The following GATA5 variants were observed in gnomAD, a reference collection of about 807,000 sequenced individuals.
GATA5 encodes the protein transcription factor GATA-5.
In GATA5, 27 loss-of-function variants were observed where a neutral mutation model predicts 35.0. The ratio of observed to expected loss-of-function variants is 0.77; its 90% CI spans 0.57 to 1.06. The LOEUF (loss-of-function observed/expected upper bound fraction) is 1.06, where lower values mean the gene tolerates loss of function less well. Ranked by LOEUF, GATA5 falls within the 50% of genes least tolerant of loss-of-function variation. The pLI is 0.00. For synonymous variants in GATA5, 306 were observed against 267.8 expected (o/e 1.14, Z -1.39); for missense variants, 612 against 580.0 (o/e 1.06, Z -0.57).
chr20:62,467,977 CA>C (rs1989632978), intron 3 of GATA5, among the ~76,000 whole-genome samples: 1 of 149,410 alleles, frequency 6.7e-6, no homozygotes, highest in African/African-American at 2.6e-5. Context: ...TATGAACAGA[CA>C]CAGCCAGCCT....
At chr20:62,473,202 G>A (rs533254202) in intron 3 of GATA5, among the ~76,000 whole-genome samples, 2 of 152,350 alleles carry the variant, frequency 1.3e-5, no homozygotes, top group African/African-American at 4.8e-5. Context: ...CATCCCCACT[G>A]GGATCCCCTG....
At chr20:62,467,276 T>C (rs1172413229) in intron 3 of GATA5, among the ~76,000 whole-genome samples, 1 of 152,188 alleles carries the variant, frequency 6.6e-6, no homozygotes, top group African/African-American at 2.4e-5. Context: ...TGGGAGGCTC[T>C]GAGCTGGCTG....
At chr20:62,474,011 C>G (rs1167483526) in intron 2 of GATA5, among the ~76,000 whole-genome samples, 2 of 151,588 alleles carry the variant, frequency 1.3e-5, no homozygotes, top group South Asian at 4.2e-4. Flanking sequence ...CACTCTTGGG[C>G]GCCCCTGGGC....
rs868924022 is a variant in GATA5, at chr20:62,475,296, C to A, written c.226G>T (p.Gly76Cys). ...QTATADSSAFGPGSPHPPAAH... is the reference protein window; with the variant it reads ...QTATADSSAFCPGSPHPPAAH... ...GCTGGGGGGTGCGGACTGCCCGGGC[C>A]GAAGGCCGACGAATCCGCGGTGGCT... The change falls in exon 2 of 7, where the codon GGC becomes TGC. Residue 76 changes from glycine (G) to cysteine (C), a missense_variant. By Grantham distance (159) the Gly-to-Cys change is radical. Coordinates refer to ENST00000252997, the MANE Select transcript of GATA5 (RefSeq NM_080473.5). 2.4e-6 allele frequency: 3 copies of A among 1,244,946 alleles called. No individual in the cohort carries two copies. In the Middle Eastern group the frequency reaches 7.1e-4, roughly 293 times the overall value. 77.1% of individuals were successfully genotyped at this position (1,244,946 alleles called of 1,614,324 possible).
At chr20:62,466,628 G>A in intron 3 of GATA5, 77 bp from the exon 4 acceptor site, 1 of 1,497,320 alleles carries the variant, frequency 6.7e-7, no homozygotes, top group East Asian at 2.5e-5. Flanking sequence ...GCGAGACTCA[G>A]GTCGGCCTTG....
intron 2 of GATA5, 118 bp from the exon 3 acceptor site, chr20:62,473,696 T>C (rs1207955273): frequency 2.3e-6 from 2 of 854,208 alleles, no homozygotes; most frequent in African/African-American, 3.4e-5. Context: ...ACGAATAAAC[T>C]TAAGGCACAA....
rs6121611 is a variant in GATA5, at chr20:62,466,850, G to A, written c.700-299C>T. ...GGGCCAGGCACCTAGACACGGCAAC[G>A]GTTTCCCTATTGTCTCTTTATCACC... On this transcript the variant is annotated intron_variant, in intron 3 of 6. Coordinates refer to ENST00000252997, the MANE Select transcript of GATA5 (RefSeq NM_080473.5). Among the ~76,000 whole-genome samples, 21,441 of 152,258 alleles carry A rather than the reference G, an allele frequency of 0.14. 1,708 individuals are homozygous for A. The highest frequency in any genetic ancestry group is 0.21 in the South Asian group (1,032 of 4,826).
At chr20:62,475,893 A>T in intron 1 of GATA5, 37 bp downstream of exon 1, 1 of 162,460 alleles carries the variant, frequency 6.2e-6, no homozygotes, top group Non-Finnish European at 1.3e-5. Context: ...CCGGGTGGGG[A>T]GGGGCGCGCG....
At chr20:62,473,851 C>G (rs960897041) in intron 2 of GATA5, among the ~76,000 whole-genome samples, 1 of 152,330 alleles carries the variant, frequency 6.6e-6, no homozygotes, top group East Asian at 1.9e-4. Flanking sequence ...AAGACAGACA[C>G]CTGGGACTCC....
intron 3 of GATA5, among the ~76,000 whole-genome samples, chr20:62,471,871 GGT>G (rs1191215725): frequency 6.6e-6 from 1 of 151,534 alleles, no homozygotes; most frequent in East Asian, 1.9e-4. Context: ...TGGGACCACA[GGT>G]GTGTGCTACC....
intron 3 of GATA5, among the ~76,000 whole-genome samples, 168 bp downstream of exon 3, chr20:62,473,235 G>T (rs142326105): frequency 6.6e-6 from 1 of 152,248 alleles, no homozygotes; most frequent in Non-Finnish European, 1.5e-5. Context: ...CGCTCTCAAA[G>T]AAGACCTGAG....
chr20:62,472,626 C>A (rs1196057157), intron 3 of GATA5, among the ~76,000 whole-genome samples: 1 of 152,200 alleles, frequency 6.6e-6, no homozygotes, highest in Non-Finnish European at 1.5e-5. Context: ...CAAACGACAT[C>A]AACACCCCAA....
intron 3 of GATA5, among the ~76,000 whole-genome samples, chr20:62,471,432 A>ATATTTTTTTTTTTTTTT (rs1555896518): frequency 1.3e-4 from 11 of 81,746 alleles, no homozygotes; most frequent in Non-Finnish European, 2.6e-4. Context: ...TTCAATTACA[A>ATATTTTTTTTTTTTTTT]TTTTTTTTTT....
At chr20:62,473,646 G>C in intron 2 of GATA5, 68 bp from the exon 3 acceptor site, 4 of 1,468,274 alleles carry the variant, frequency 2.7e-6, no homozygotes, top group Admixed American at 2.2e-5. Context: ...CTCATGGGCC[G>C]GCACCCTCCC....
In GATA5 at chr20:62,465,401, G is replaced by T. The variant is rs782353437; in HGVS notation, c.977C>A (p.Thr326Asn). 6.2e-7 allele frequency: 1 copy of T among 1,607,556 alleles called. No homozygotes were observed. Reference sequence around the variant, plus strand: ...CGCCAGGCTGGGCTTGGCTTTCGAAGTGGCTGCTGAGCTGTCAGTGCTGGC... The same window carrying T: ...CGCCAGGCTGGGCTTGGCTTTCGAATTGGCTGCTGAGCTGTCAGTGCTGGC... ...AVASTDSSAA[T>N]SKAKPSLASP... is the part of the protein sequence containing the mutation. The change falls in exon 6 of 7, where the codon ACT becomes AAT. Residue 326 changes from threonine to asparagine, a missense_variant. Physicochemically the swap from Thr to Asn is moderately conservative, Grantham distance 65. Coordinates refer to ENST00000252997, the MANE Select transcript of GATA5 (RefSeq NM_080473.5).
rs543616963 is a variant in GATA5 at position 62,465,088 on chromosome 20, G to A, written c.1039-97C>T. On this transcript the variant is annotated intron_variant, in intron 6 of 6. Transcript: ENST00000252997. ...TCTTAGGTCAGGAGCTCCCATGACC[G>A]GTATTTGCCCTTAGGGACCCCCTGA... 26 of 1,078,698 alleles carry A rather than the reference G, an allele frequency of 2.4e-5. 1 individual carries two copies. The East Asian group carries it at 3.9e-4, about 16-fold the overall frequency. The allele number at this position is 1,078,698 out of a possible 1,614,324, so 66.8% of individuals were successfully genotyped here. A position where few individuals can be genotyped will look rare whatever the true frequency, so the allele number is the denominator to read the frequency against.
In GATA5 at chr20:62,473,453, G is replaced by C. The variant is rs1329061211; in HGVS notation, c.649C>G (p.His217Asp). Residue 217 changes from histidine (H) to aspartate (D), a missense_variant, in exon 3 of 7, where the codon CAC becomes GAC. Coordinates refer to ENST00000252997, the MANE Select transcript of GATA5 (RefSeq NM_080473.5). ...GGCCGGTTGACGCCATTCATCTTGT[G>C]GTAGAGGCCGCAGGCATTGCACAGG... ...HYLCNACGLY[H>D]KMNGVNRPLV... 1 of 1,611,206 alleles carries C rather than the reference G, an allele frequency of 6.2e-7. No homozygotes were observed. Among genetic ancestry groups the C allele is most frequent in the African/African-American group, 1.3e-5 (1 of 74,914 alleles).
At position 62,465,804 on chromosome 20, in the gene GATA5, C is replaced by T. The variant is rs781789051; in HGVS notation, c.913+30G>A. The T allele has an allele frequency of 2.3e-5, 35 of 1,522,730 alleles. 1 individual carries two copies. Among genetic ancestry groups the T allele is most frequent in the South Asian group, 5.9e-5 (5 of 84,108 alleles). 94.3% of individuals were successfully genotyped at this position (1,522,730 alleles called of 1,614,324 possible). A position where few individuals can be genotyped will look rare whatever the true frequency, so the allele number is the denominator to read the frequency against. On this transcript the variant is annotated intron_variant, in intron 5 of 6. Transcript: ENST00000252997. Reference sequence around the variant, plus strand: ...GGCACCGAAGGCCACTCCGCAGGAGCGGGGCTGACTGCAGGGCCTGGCCAC... The same window carrying T: ...GGCACCGAAGGCCACTCCGCAGGAGTGGGGCTGACTGCAGGGCCTGGCCAC...
intron 3 of GATA5, among the ~76,000 whole-genome samples, chr20:62,472,350 G>T (rs1250545274): frequency 2.0e-5 from 3 of 152,170 alleles, no homozygotes; most frequent in African/African-American, 7.2e-5. Flanking sequence ...ACAGCCCAGG[G>T]CCCCAGGATT....
Sources: gnomAD v4.1 joint callset for allele counts (sites outside exome capture counted in the v4.1 genomes callset) on GRCh38, gnomAD v4.1.1 for gene constraint, MANE v1.5 for transcripts, NCBI Gene and HGNC (gene_info 2026-07-23, HGNC 2026-07-21) for gene names.